Variants in NADK observed in about 807,000 individuals in gnomAD.
The protein encoded by NADK is poly(P)/ATP NAD kinase.
In NADK, 22 loss-of-function variants were observed where a neutral mutation model predicts 49.8. The observed-to-expected ratio is 0.44, with a 90% confidence interval of 0.32 to 0.63. NADK has a LOEUF of 0.63. NADK is among the 30% of genes least tolerant of loss of function. NADK has a pLI of 0.06. For synonymous variants in NADK, 268 were observed against 253.7 expected, an observed-to-expected ratio of 1.06 and a Z score of -0.54; for missense variants, 438 against 609.4, an observed-to-expected ratio of 0.72 and a Z score of 2.96.
At position 1,761,678 on chromosome 1, in the gene NADK, T is replaced by C. The variant is rs1359559359; in HGVS notation, c.263+274A>G. ...AGGCCCCGGCTCGCCTGCCGTCCAC[T>C]TTCTCAAAGCCACTGGAAAAGCCAC... On this transcript the variant is annotated intron_variant, in intron 3 of 11. Transcript: ENST00000341426. 5 of 357,066 alleles carry C rather than the reference T, an allele frequency of 1.4e-5. No individual in the cohort carries two copies. The Admixed American group carries it at 1.5e-4, about 11-fold the overall frequency. 22.1% of individuals were successfully genotyped at this position (357,066 alleles called of 1,614,324 possible).
chr1:1,756,442 G>A, intron 5 of NADK, 61 bp downstream of exon 5: 1 of 1,611,502 alleles, frequency 6.2e-7, no homozygotes, highest in Non-Finnish European at 8.5e-7. Context: ...AGTGCCAGAA[G>A]CTTCCAATGG....
rs761022423 is a variant in NADK at position 1,755,371 on chromosome 1, C to T, written c.688+3G>A. ...CTGTGGGCTCCAGAACATTCCAACT[C>T]ACCCTCTATCACCTGAGTAACTTGG... On this transcript the variant is annotated splice_donor_region_variant and intron_variant, in intron 7 of 11. Coordinates refer to ENST00000341426, the MANE Select transcript of NADK (RefSeq NM_023018.5). 2 of 1,609,080 alleles carry T rather than the reference C, an allele frequency of 1.2e-6. No individual in the cohort carries two copies. Among genetic ancestry groups the T allele is most frequent in the South Asian group, 2.2e-5 (2 of 90,980 alleles).
intron 1 of NADK, among the ~76,000 whole-genome samples, chr1:1,770,127 A>G (rs560475586): frequency 2.6e-5 from 4 of 152,160 alleles, no homozygotes; most frequent in Non-Finnish European, 4.4e-5. Context: ...GTGAGCCGAG[A>G]TCGCACCACT....
chr1:1,776,218 C>T (rs889099475), intron 1 of NADK, among the ~76,000 whole-genome samples: 1 of 152,126 alleles, frequency 6.6e-6, no homozygotes, highest in Non-Finnish European at 1.5e-5. Flanking sequence ...TATTGTTTTC[C>T]GTTTTCATCA....
chr1:1,771,952 C>A (rs914124560), intron 1 of NADK, among the ~76,000 whole-genome samples: 1 of 150,044 alleles, frequency 6.7e-6, no homozygotes, highest in African/African-American at 2.4e-5. Flanking sequence ...GGATTACAGG[C>A]ATGCACCACC....
At chr1:1,777,349 A>T (rs1646241424) in intron 1 of NADK, among the ~76,000 whole-genome samples, 1 of 152,182 alleles carries the variant, frequency 6.6e-6, no homozygotes, top group South Asian at 2.1e-4. Context: ...TTATCTAACA[A>T]GGTGTTAAAG....
chr1:1,768,292 C>T (rs769595520), intron 1 of NADK, among the ~76,000 whole-genome samples: 2 of 152,012 alleles, frequency 1.3e-5, no homozygotes, highest in Non-Finnish European at 2.9e-5. Context: ...AATCCCAGGG[C>T]TTTGGGAGGC....
intron 11 of NADK, 139 bp from the exon 12 acceptor site, chr1:1,753,199 T>C (rs1408224718): frequency 2.8e-6 from 3 of 1,063,842 alleles, no homozygotes; most frequent in African/African-American, 3.2e-5. Flanking sequence ...CGAGGCAGGC[T>C]TGAGCAGTGC....
chr1:1,754,819 G>A lies in NADK; in HGVS notation c.689-121C>T, dbSNP rs1294486031. 1.1e-6 allele frequency: 1 copy of A among 933,026 alleles called. No individual in the cohort carries two copies. 57.8% of individuals were successfully genotyped at this position (933,026 alleles called of 1,614,324 possible). On this transcript the variant is annotated intron_variant, in intron 7 of 11. Coordinates refer to ENST00000341426, the MANE Select transcript of NADK (RefSeq NM_023018.5). This position sits in a 1 kb window ranked among gnomAD's most constrained non-coding sequence, Gnocchi z 4.3. ...TCTTCTCCCAAGTTGACACACTTCTGTGCCTTTTTCTTTTTATTTTGAGAT... is the reference window on the plus strand; with the variant it reads ...TCTTCTCCCAAGTTGACACACTTCTATGCCTTTTTCTTTTTATTTTGAGAT...
At chr1:1,759,030 C>G in intron 3 of NADK, 5 of 1,446,238 alleles carry the variant, frequency 3.5e-6, no homozygotes, top group Non-Finnish European at 4.6e-6. Context: ...GTCCTCCGGC[C>G]TGGTCAGCCA....
intron 3 of NADK, among the ~76,000 whole-genome samples, chr1:1,757,794 C>G (rs1459817737): frequency 6.6e-6 from 1 of 152,124 alleles, no homozygotes; most frequent in Non-Finnish European, 1.5e-5. Context: ...CACGGGAGCC[C>G]AGGACCCCTC....
chr1:1,759,027 G>A lies in NADK; in HGVS notation c.264-1717C>T, dbSNP rs1022799890. On this transcript the variant is annotated intron_variant, in intron 3 of 11. Coordinates refer to ENST00000341426, the MANE Select transcript of NADK (RefSeq NM_023018.5). Reference sequence around the variant, plus strand: ...GCGTGCAGGTGGCTCACGGTCCTCCGGCCTGGTCAGCCAGCAAAGCCCCCG... The same window carrying A: ...GCGTGCAGGTGGCTCACGGTCCTCCAGCCTGGTCAGCCAGCAAAGCCCCCG... The A allele has an allele frequency of 4.9e-5, 71 of 1,440,180 alleles. 1 individual carries two copies. In the South Asian group the frequency reaches 5.2e-4, roughly 11 times the overall value. 89.2% of individuals were successfully genotyped at this position (1,440,180 alleles called of 1,614,324 possible).
chr1:1,765,680 G>A (rs986057830), intron 1 of NADK, among the ~76,000 whole-genome samples: 7 of 151,416 alleles, frequency 4.6e-5, no homozygotes, highest in African/African-American at 1.7e-4. Flanking sequence ...GGGAGGTAGA[G>A]GCGGGCAGAT....
chr1:1,754,730 T>A lies in NADK; in HGVS notation c.689-32A>T. On this transcript the variant is annotated intron_variant, in intron 7 of 11. Transcript: ENST00000341426. This position sits in a 1 kb window ranked among gnomAD's most constrained non-coding sequence, Gnocchi z 4.3. ...TCCAGCAGGAGTCAGAGGGCATGCA[T>A]CAGGGAAGTCAGTGGGGTCAGGGGC... 6.3e-7 allele frequency: 1 copy of A among 1,580,410 alleles called. No homozygotes were observed. Among genetic ancestry groups the A allele is most frequent in the Non-Finnish European group, 8.6e-7 (1 of 1,164,068 alleles).
chr1:1,757,416 C>A, intron 3 of NADK, 106 bp from the exon 4 acceptor site: 1 of 1,062,978 alleles, frequency 9.4e-7, no homozygotes. Context: ...GGTGTTTTCA[C>A]CTCCCAGGGA....
upstream of NADK, chr1:1,778,563 GGGCGGGAGGCGGCGGGCGT>G (rs2100404971): frequency 6.6e-6 from 1 of 151,388 alleles, no homozygotes; most frequent in South Asian, 2.1e-4. The surrounding 1 kb of genome is among the most constrained non-coding windows in gnomAD (Gnocchi z 4.9). Flanking sequence ...CACCCCGCGC[GGGCGGGAGGCGGCGGGCGT>G]GGCGGGAAAG....
chr1:1,759,301 A>T (rs1645638383), intron 3 of NADK: 1 of 1,481,352 alleles, frequency 6.8e-7, no homozygotes. Context: ...CTGCACGGAG[A>T]GGGCAGGGGG....
intron 1 of NADK, among the ~76,000 whole-genome samples, chr1:1,773,301 G>A (rs879306515): frequency 4.0e-5 from 6 of 150,268 alleles, no homozygotes; most frequent in East Asian, 2.1e-4. Flanking sequence ...CGCCACACCC[G>A]GCTAATTTTT....
At position 1,754,039 on chromosome 1, in the gene NADK, G is replaced by A. The variant is rs200010467; in HGVS notation, c.1101+12C>T. On this transcript the variant is annotated intron_variant, in intron 10 of 11. Coordinates refer to ENST00000341426, the MANE Select transcript of NADK (RefSeq NM_023018.5). This position sits in a 1 kb window ranked among gnomAD's most constrained non-coding sequence, Gnocchi z 4.3. ...ACTCACAAACCGGAAAAGGAGTGTC[G>A]TTGGCTCTGACCTTCAGCTCGACCC... The A allele has an allele frequency of 3.1e-5, 49 of 1,564,448 alleles. No individual in the cohort carries two copies. In the Admixed American group the frequency reaches 6.4e-4, roughly 20 times the overall value.
Sources: allele counts gnomAD v4.1 joint callset (sites outside exome capture counted in the v4.1 genomes callset), GRCh38; gene constraint gnomAD v4.1.1; non-coding constraint Gnocchi (gnomAD v3.1); transcripts MANE v1.5; gene names NCBI Gene and HGNC (gene_info 2026-07-23, HGNC 2026-07-21).